The following MYLK4 variants were observed in gnomAD, a reference collection of about 807,000 sequenced individuals.
The protein encoded by MYLK4 is myosin light chain kinase family member 4, also known as caMLCK like.
A neutral mutation model predicts 48.1 loss-of-function variants in MYLK4; 46 were observed. That is an observed-to-expected ratio of 0.96 (90% CI 0.75 to 1.22). The LOEUF is 1.22. MYLK4 is among the 50% of genes most tolerant of loss of function. The probability of loss-of-function intolerance (pLI) is 0.00; values close to 1 mark genes in which losing one functional copy is unlikely to be tolerated. For missense variants in MYLK4, 451 were observed against 486.1 expected (o/e 0.93, Z 0.68); for synonymous variants, 170 against 180.8 (o/e 0.94, Z 0.48).
At chr6:2,733,381 A>G (rs1376330219) in intron 2 of MYLK4, among the ~76,000 whole-genome samples, 2 of 152,238 alleles carry the variant, frequency 1.3e-5, no homozygotes, top group South Asian at 4.1e-4. Context: ...TTTTCTGTGA[A>G]TTCATAATCC....
At chr6:2,725,847 G>C (rs1582100919) in intron 2 of MYLK4, among the ~76,000 whole-genome samples, 12 of 152,164 alleles carry the variant, frequency 7.9e-5, no homozygotes, top group Admixed American at 7.9e-4. Flanking sequence ...AGTTTGGAGG[G>C]ACACGTGAGT....
At chr6:2,715,261 A>C (rs1292987183) in intron 2 of MYLK4, among the ~76,000 whole-genome samples, 1 of 128 alleles carries the variant, frequency 7.8e-3, no homozygotes, top group African/African-American at 8.8e-3. Context: ...ACTCCGTTTC[A>C]AAAAAAAAAA....
the MYLK4 span, chr6:2,766,484 C>A: frequency 6.8e-7 from 1 of 1,461,154 alleles, no homozygotes; most frequent in South Asian, 1.4e-5. Flanking sequence ...GTAGTTATCT[C>A]GGCGGTGGAT....
chr6:2,760,909 G>A, the MYLK4 span, among the ~76,000 whole-genome samples: 1 of 152,162 alleles, frequency 6.6e-6, no homozygotes, highest in Admixed American at 6.5e-5. Context: ...CATGAGTTTG[G>A]GTTAGGGGGC....
chr6:2,733,634 T>A (rs1039786849), intron 2 of MYLK4, among the ~76,000 whole-genome samples: 7 of 152,204 alleles, frequency 4.6e-5, no homozygotes, highest in Non-Finnish European at 7.3e-5. Flanking sequence ...ATACGTTTTT[T>A]ATTATAAGGT....
upstream of MYLK4, among the ~76,000 whole-genome samples, chr6:2,751,857 G>A (rs1764297157): frequency 1.3e-5 from 2 of 152,080 alleles, no homozygotes; most frequent in Admixed American, 6.5e-5. Context: ...AACACAAAAC[G>A]CTTGTTATTT....
chr6:2,693,614 T>C (rs948746121), intron 2 of MYLK4, among the ~76,000 whole-genome samples: 3 of 152,234 alleles, frequency 2.0e-5, no homozygotes, highest in African/African-American at 7.2e-5. Flanking sequence ...TTTTGCATTA[T>C]AAATTAATGA....
intron 2 of MYLK4, among the ~76,000 whole-genome samples, chr6:2,740,550 A>T (rs1454095340): frequency 6.6e-6 from 1 of 152,174 alleles, no homozygotes; most frequent in Non-Finnish European, 1.5e-5. Flanking sequence ...TGAAGTAGCC[A>T]GTTTGGCAAC....
At chr6:2,699,410 C>T (rs1762203481) in intron 2 of MYLK4, among the ~76,000 whole-genome samples, 1 of 148,870 alleles carries the variant, frequency 6.7e-6, no homozygotes, top group Non-Finnish European at 1.5e-5. Flanking sequence ...TCTGCCTCAG[C>T]TTCTCCAGTA....
At position 2,678,368 on chromosome 6, in the gene MYLK4, T is replaced by C; in HGVS notation, c.892A>G (p.Ser298Gly). Residue 298 changes from serine (S) to glycine (G), a missense_variant, in exon 10 of 13, where the codon AGC becomes GGC. Ser to Gly is a moderately conservative substitution (Grantham distance 56). Transcript: ENST00000274643. ...SVGVIAYMLLSGLSPFLGDND... is the reference protein window; with the variant it reads ...SVGVIAYMLLGGLSPFLGDND... ...TCACCCAGGAAAGGCGACAAACCGC[T>C]AAGTCTGGAGGACACGGGGTCCAGA... 4 of 1,613,906 alleles carry C rather than the reference T, an allele frequency of 2.5e-6. No homozygotes were observed. Among genetic ancestry groups the C allele is most frequent in the Non-Finnish European group, 3.4e-6 (4 of 1,180,008 alleles).
chr6:2,676,803 AT>A (rs1421974283), intron 10 of MYLK4, among the ~76,000 whole-genome samples: 1 of 152,104 alleles, frequency 6.6e-6, no homozygotes, highest in African/African-American at 2.4e-5. Flanking sequence ...CAGTTTCCCC[AT>A]GTGTAAAATG....
At chr6:2,671,175 G>A (rs765884449) in intron 12 of MYLK4, 101 bp downstream of exon 12, 18 of 813,154 alleles carry the variant, frequency 2.2e-5, no homozygotes, top group Non-Finnish European at 3.4e-5. Context: ...CCAAAACGCT[G>A]CTCTTCTTCC....
At chr6:2,760,114 A>C in the MYLK4 span, among the ~76,000 whole-genome samples, 1 of 152,260 alleles carries the variant, frequency 6.6e-6, no homozygotes, top group Admixed American at 6.5e-5. Context: ...GAGATGATTT[A>C]AAATATATGA....
chr6:2,760,383 T>C, the MYLK4 span, among the ~76,000 whole-genome samples: 1 of 152,226 alleles, frequency 6.6e-6, no homozygotes, highest in Non-Finnish European at 1.5e-5. Context: ...CACATCATCA[T>C]GTTCACAACC....
intron 2 of MYLK4, among the ~76,000 whole-genome samples, chr6:2,742,671 G>C (rs1763938416): frequency 7.0e-6 from 1 of 142,910 alleles, no homozygotes; most frequent in Admixed American, 7.4e-5. Context: ...TGAACAATGA[G>C]AACACGTGGA....
At chr6:2,668,200 T>C (rs1760737415) in intron 12 of MYLK4, among the ~76,000 whole-genome samples, 3 of 152,134 alleles carry the variant, frequency 2.0e-5, no homozygotes. Flanking sequence ...TTTAGTACTA[T>C]TTGCAATATT....
At chr6:2,745,082 C>T (rs1764031486) in intron 2 of MYLK4, among the ~76,000 whole-genome samples, 2 of 152,112 alleles carry the variant, frequency 1.3e-5, no homozygotes, top group Non-Finnish European at 2.9e-5. Context: ...GCACAGACAA[C>T]CCCGGGCCTC....
At chr6:2,763,332 G>A in the MYLK4 span, among the ~76,000 whole-genome samples, 1 of 152,250 alleles carries the variant, frequency 6.6e-6, no homozygotes, top group Non-Finnish European at 1.5e-5. Flanking sequence ...CACGTAATGA[G>A]CCTGCATTGC....
Position 2,679,273 on chromosome 6 carries a change from T to C in MYLK4, c.887+7A>G, listed in dbSNP as rs752389475. On this transcript the variant is annotated splice_region_variant and intron_variant, in intron 9 of 12. Transcript: ENST00000274643. ...AGAAGGGTCAGAGACAGAGGAGAGC[T>C]ACTCACAGCATATAGGCGATGACCC... The C allele has an allele frequency of 6.2e-7, 1 of 1,613,916 alleles. No homozygotes were observed. Among genetic ancestry groups the C allele is most frequent in the African/African-American group, 1.3e-5 (1 of 74,892 alleles).
Sources: gnomAD v4.1 joint callset for allele counts (sites outside exome capture counted in the v4.1 genomes callset) on GRCh38, gnomAD v4.1.1 for gene constraint, MANE v1.5 for transcripts, NCBI Gene and HGNC (gene_info 2026-07-23, HGNC 2026-07-21) for gene names.